TF: variants seen among roughly 807,000 people sequenced by gnomAD.
TF encodes the protein transferrin.
In TF, 55 loss-of-function variants were observed where a neutral mutation model predicts 82.4. The ratio of observed to expected loss-of-function variants is 0.67; its 90% CI spans 0.54 to 0.84. TF has a LOEUF of 0.84. Ranked by LOEUF, TF falls within the 40% of genes least tolerant of loss-of-function variation. The pLI is 0.00. For synonymous variants in TF, 332 were observed against 332.6 expected, an observed-to-expected ratio of 1.00 and a Z score of 0.02; for missense variants, 737 against 868.4, an observed-to-expected ratio of 0.85 and a Z score of 1.90.
chr3:133,690,315 C>T, the TF span, among the ~76,000 whole-genome samples: 1 of 152,026 alleles, frequency 6.6e-6, no homozygotes, highest in Non-Finnish European at 1.5e-5. Context: ...GCAGAAAAGA[C>T]ATTACAACTA....
chr3:133,777,461 T>C (rs1054944763), intron 16 of TF: 7 of 557,352 alleles, frequency 1.3e-5, no homozygotes, highest in Admixed American at 6.1e-5. Context: ...AGTGAACTTA[T>C]TGGGTATAGA....
chr3:133,718,430 G>A, the TF span, among the ~76,000 whole-genome samples: 3 of 152,204 alleles, frequency 2.0e-5, no homozygotes, highest in East Asian at 5.8e-4. Flanking sequence ...TCTGTTGGAG[G>A]GATGCTGAGA....
intron 15 of TF, among the ~76,000 whole-genome samples, chr3:133,776,278 T>C (rs1331805031): frequency 1.3e-5 from 2 of 152,206 alleles, no homozygotes; most frequent in African/African-American, 4.8e-5. Flanking sequence ...ACAGGACCCT[T>C]GCCCTCGGAG....
rs1169146307 is a variant in TF, at chr3:133,783,093, G to A, written c.*4473G>A. The A allele has an allele frequency of 6.6e-6, 1 of 152,192 alleles. No individual in the cohort carries two copies. The highest frequency in any genetic ancestry group is 2.4e-5 in the African/African-American group (1 of 41,442). 9.4% of individuals were successfully genotyped at this position (152,192 alleles called of 1,614,324 possible). On this transcript the variant is annotated 3_prime_UTR_variant, in exon 17 of 17. Transcript: ENST00000402696. ...TCTAATGTACAACATAAGGACCACA[G>A]TATAGGTAATAAATTCTACTTTATT...
intron 9 of TF, among the ~76,000 whole-genome samples, chr3:133,759,872 T>G (rs1010247654): frequency 6.6e-6 from 1 of 152,128 alleles, no homozygotes; most frequent in Non-Finnish European, 1.5e-5. Flanking sequence ...ACAGAGAATT[T>G]TTAAAATCCT....
rs1934729803 is a variant in TF at position 133,787,986 on chromosome 3, G to A, written c.*9366G>A. ...CACATGGGCCCATATCCACCAGGTT[G>A]GTGGTGCAGAGGAGCTGGAAGAAAT... On this transcript the variant is annotated 3_prime_UTR_variant, in exon 17 of 17. Transcript: ENST00000402696. 1.3e-5 allele frequency: 2 copies of A among 152,188 alleles called. No individual in the cohort carries two copies. Among genetic ancestry groups the A allele is most frequent in the African/African-American group, 4.8e-5 (2 of 41,432 alleles). 9.4% of individuals were successfully genotyped at this position (152,188 alleles called of 1,614,324 possible).
At chr3:133,764,054 A>C in intron 9 of TF, 128 bp from the exon 10 acceptor site, 1 of 778,592 alleles carries the variant, frequency 1.3e-6, no homozygotes, top group Non-Finnish European at 2.3e-6. Context: ...TTGGGGGTTC[A>C]GTATCAGCAT....
At chr3:133,771,027 G>A (rs1934245945) in intron 14 of TF, 1 of 183,742 alleles carries the variant, frequency 5.4e-6, no homozygotes, top group Non-Finnish European at 1.2e-5. Context: ...CATTGAGAAG[G>A]CCTAGAGGCA....
At position 133,783,274 on chromosome 3, in the gene TF, A is replaced by T. The variant is rs1469698232; in HGVS notation, c.*4654A>T. On this transcript the variant is annotated 3_prime_UTR_variant, in exon 17 of 17. Coordinates refer to ENST00000402696, the MANE Select transcript of TF (RefSeq NM_001063.4). ...GGTAGTCACATGGAAATAATGAAGC[A>T]GAATAAAAGTTCCAGATATTAAATG... The T allele has an allele frequency of 6.6e-6, 1 of 152,248 alleles. No individual in the cohort carries two copies. The highest frequency in any genetic ancestry group is 1.9e-4 in the East Asian group (1 of 5,204). The allele number at this position is 152,248 out of a possible 1,614,324, so 9.4% of individuals were successfully genotyped here.
the TF span, among the ~76,000 whole-genome samples, chr3:133,695,042 C>T: frequency 1.3e-5 from 2 of 151,968 alleles, no homozygotes; most frequent in African/African-American, 2.4e-5. Flanking sequence ...CTGTGGGGTT[C>T]AAAGGCCCTT....
chr3:133,758,000 C>T (rs1933886507), intron 8 of TF, 54 bp downstream of exon 8: 1 of 1,575,228 alleles, frequency 6.3e-7, no homozygotes, highest in Non-Finnish European at 8.7e-7. Context: ...ACCTGGTGAG[C>T]ACAGGGGCCA....
chr3:133,691,050 GAAAA>G, the TF span, among the ~76,000 whole-genome samples: 1 of 151,964 alleles, frequency 6.6e-6, no homozygotes, highest in Non-Finnish European at 1.5e-5. Flanking sequence ...ATATTTATAA[GAAAA>G]AGTGGGATGG....
At chr3:133,702,671 G>A in the TF span, among the ~76,000 whole-genome samples, 72,581 of 151,348 alleles carry the variant, frequency 0.48, 18,085 homozygotes, top group Admixed American at 0.55. Context: ...ATCTCTGAGC[G>A]ATGAAATTGT....
chr3:133,698,609 G>A, the TF span, among the ~76,000 whole-genome samples: 3 of 152,156 alleles, frequency 2.0e-5, no homozygotes, highest in Non-Finnish European at 4.4e-5. Flanking sequence ...TGGCCTGTGT[G>A]CATGTCTTCT....
At chr3:133,720,050 A>G in the TF span, among the ~76,000 whole-genome samples, 1 of 152,100 alleles carries the variant, frequency 6.6e-6, no homozygotes, top group East Asian at 1.9e-4. Context: ...TCCAATGATA[A>G]TTTGACTTCC....
chr3:133,690,122 A>G, the TF span, among the ~76,000 whole-genome samples: 1,154 of 152,288 alleles, frequency 7.6e-3, 24 homozygotes, highest in African/African-American at 0.026. Flanking sequence ...TAGATAAATT[A>G]CAAAAGTAGA....
chr3:133,770,248 G>A (rs773118603), intron 13 of TF, among the ~76,000 whole-genome samples: 1 of 152,198 alleles, frequency 6.6e-6, no homozygotes, highest in Non-Finnish European at 1.5e-5. Flanking sequence ...CCTTGTTGAT[G>A]TCAGGGAAAT....
chr3:133,740,133 C>T, the TF span, among the ~76,000 whole-genome samples: 15 of 152,124 alleles, frequency 9.9e-5, no homozygotes, highest in African/African-American at 2.9e-4. Flanking sequence ...CACATATACA[C>T]GATGGAATAC....
the TF span, among the ~76,000 whole-genome samples, chr3:133,716,900 C>G: frequency 6.6e-6 from 1 of 152,284 alleles, no homozygotes; most frequent in East Asian, 1.9e-4. Flanking sequence ...CACTCCTTCC[C>G]CGGGGACTTT....
Sources: gnomAD v4.1 joint callset for allele counts (sites outside exome capture counted in the v4.1 genomes callset) on GRCh38, gnomAD v4.1.1 for gene constraint, MANE v1.5 for transcripts, NCBI Gene and HGNC (gene_info 2026-07-23, HGNC 2026-07-21) for gene names.